Variants in HBB observed in about 807,000 individuals in gnomAD.
HBB encodes hemoglobin subunit beta, also known as Hb Monza protein.
HBB carries 18 observed loss-of-function variants against 9.7 expected under a neutral mutation model. The ratio of observed to expected loss-of-function variants is 1.86; its 90% CI spans 1.28 to 2.76. The LOEUF (loss-of-function observed/expected upper bound fraction) is 2.76, where lower values mean the gene tolerates loss of function less well. HBB is among the 30% of genes most tolerant of loss of function. The pLI, the probability that HBB is intolerant of heterozygous loss-of-function variation, is 0.00. For synonymous variants in HBB, 99 were observed against 73.6 expected (o/e 1.35, Z -1.77); for missense variants, 156 against 177.0 (o/e 0.88, Z 0.67).
At position 5,225,514 on chromosome 11, in the gene HBB, C is replaced by T; in HGVS notation, c.*84G>A. On this transcript the variant is annotated 3_prime_UTR_variant, in exon 3 of 3. Transcript: ENST00000335295. Reference sequence around the variant, plus strand: ...TTAGGCAGAATCCAGATGCTCAAGGCCCTTCATAATATCCCCCAGTTTAGT... The same window carrying T: ...TTAGGCAGAATCCAGATGCTCAAGGTCCTTCATAATATCCCCCAGTTTAGT... 2.4e-6 allele frequency: 3 copies of T among 1,244,464 alleles called. No homozygotes were observed. Among genetic ancestry groups the T allele is most frequent in the Non-Finnish European group, 3.6e-6 (3 of 842,392 alleles). The allele number at this position is 1,244,464 out of a possible 1,614,324, so 77.1% of individuals were successfully genotyped here. A position where few individuals can be genotyped will look rare whatever the true frequency, so the allele number is the denominator to read the frequency against.
chr11:5,226,300 G>C (rs999594627), intron 2 of HBB: 1 of 573,240 alleles, frequency 1.7e-6, no homozygotes, highest in Non-Finnish European at 3.1e-6. Context: ...GTATCTCAGA[G>C]ATATTTCCTT....
Position 5,226,021 on chromosome 11 carries a change from G to A in HBB, c.316-295C>T, listed in dbSNP as rs569636767. Among the ~76,000 whole-genome samples, 2 of 152,102 alleles carry A rather than the reference G, an allele frequency of 1.3e-5. No individual in the cohort carries two copies. Among genetic ancestry groups the A allele is most frequent in the Admixed American group, 6.6e-5 (1 of 15,258 alleles). On this transcript the variant is annotated intron_variant, in intron 2 of 2. Transcript: ENST00000335295. The stretch of plus-strand genomic sequence containing the variant: ...CCCTGAAAGAAAGAGATTAGGGAAA[G>A]TATTAGAAATAAGATAAACAAAAAA...
chr11:5,226,546 A>T, intron 2 of HBB, 31 bp downstream of exon 2: 1 of 1,596,254 alleles, frequency 6.3e-7, no homozygotes, highest in South Asian at 1.1e-5. Flanking sequence ...AAAGAAGGGG[A>T]AAGAAAACAT....
intron 2 of HBB, 64 bp from the exon 3 acceptor site, chr11:5,225,790 A>C: frequency 1.3e-6 from 2 of 1,558,862 alleles, no homozygotes; most frequent in Non-Finnish European, 1.8e-6. Context: ...GACTCAGAAT[A>C]ATCCAGCCTT....
At chr11:5,226,308 C>G (rs1315571211) in intron 2 of HBB, 1 of 573,932 alleles carries the variant, frequency 1.7e-6, no homozygotes, top group East Asian at 2.8e-5. Flanking sequence ...GAGATATTTC[C>G]TTTTGTTATA....
rs1332795013 is a variant in HBB at position 5,226,104 on chromosome 11, G to A, written c.316-378C>T. On this transcript the variant is annotated intron_variant, in intron 2 of 2. Coordinates refer to ENST00000335295, the MANE Select transcript of HBB (RefSeq NM_000518.5). ...TACAAATGCAAAATTACCCTGATTTGGTCAATATGTGTACACATATTAAAA... is the reference window on the plus strand; with the variant it reads ...TACAAATGCAAAATTACCCTGATTTAGTCAATATGTGTACACATATTAAAA... 6.6e-6 allele frequency among the ~76,000 whole-genome samples: 1 copy of A among 151,744 alleles called. No individual in the cohort carries two copies. The highest frequency in any genetic ancestry group is 1.5e-5 in the Non-Finnish European group (1 of 67,936).
At chr11:5,226,280 G>T in intron 2 of HBB, 9 of 536,820 alleles carry the variant, frequency 1.7e-5, no homozygotes, top group Middle Eastern at 5.0e-4. Context: ...TTTTTTTTAA[G>T]TTACTTAATG....
Position 5,225,577 on chromosome 11 carries a change from T to C in HBB, c.*21A>G. On this transcript the variant is annotated 3_prime_UTR_variant, in exon 3 of 3. Transcript: ENST00000335295. Reference sequence around the variant, plus strand: ...GGAACAAAGGAACCTTTAATAGAAATTGGACAGCAAGAAAGCGAGCTTAGT... The same window carrying C: ...GGAACAAAGGAACCTTTAATAGAAACTGGACAGCAAGAAAGCGAGCTTAGT... The C allele has an allele frequency of 3.7e-6, 6 of 1,613,804 alleles. No homozygotes were observed. The highest frequency in any genetic ancestry group is 4.2e-6 in the Non-Finnish European group (5 of 1,179,742).
chr11:5,226,705 C>T lies in HBB; in HGVS notation c.187G>A (p.Ala63Thr). The stretch of plus-strand genomic sequence containing the variant: ...GCACCGAGCACTTTCTTGCCATGAG[C>T]CTTCACCTTAGGGTTGCCCATAACA... Reference protein sequence around the residue: ...DAVMGNPKVKAHGKKVLGAFS... With the variant: ...DAVMGNPKVKTHGKKVLGAFS... Residue 63 changes from alanine to threonine, a missense_variant, in exon 2 of 3, where the codon GCT (alanine) becomes ACT (threonine). Coordinates refer to ENST00000335295, the MANE Select transcript of HBB (RefSeq NM_000518.5). The T allele has an allele frequency of 9.3e-6, 15 of 1,614,040 alleles. No homozygotes were observed. Among genetic ancestry groups the T allele is most frequent in the Non-Finnish European group, 1.2e-5 (14 of 1,180,002 alleles).
rs1589891720 is a variant in HBB, at chr11:5,225,846, G to C, written c.316-120C>G. ...GCAGAATGGTAGCTGGATTGTAGCT[G>C]CTATTAGCAATATGAAACCTCTTAC... On this transcript the variant is annotated intron_variant, in intron 2 of 2. Coordinates refer to ENST00000335295, the MANE Select transcript of HBB (RefSeq NM_000518.5). The C allele has an allele frequency of 2.1e-6, 2 of 965,252 alleles. No individual in the cohort carries two copies. The highest frequency in any genetic ancestry group is 2.7e-5 in the South Asian group (2 of 74,984). 59.8% of individuals were successfully genotyped at this position (965,252 alleles called of 1,614,324 possible). A position where few individuals can be genotyped will look rare whatever the true frequency, so the allele number is the denominator to read the frequency against.
In HBB at chr11:5,226,367, A is replaced by T. The variant is rs1847545483; in HGVS notation, c.315+210T>A. ...AATAGTAAAAATTGCGGAGAAGAAA[A>T]AAAAAGAAAGCAAGAATTAAACAAA... On this transcript the variant is annotated intron_variant, in intron 2 of 2. Coordinates refer to ENST00000335295, the MANE Select transcript of HBB (RefSeq NM_000518.5). 1.6e-6 allele frequency: 1 copy of T among 616,142 alleles called. No individual in the cohort carries two copies. The highest frequency in any genetic ancestry group is 2.8e-6 in the Non-Finnish European group (1 of 351,826). 38.2% of individuals were successfully genotyped at this position (616,142 alleles called of 1,614,324 possible). A position where few individuals can be genotyped will look rare whatever the true frequency, so the allele number is the denominator to read the frequency against.
Position 5,226,939 on chromosome 11 carries a change from G to C in HBB, c.83C>G (p.Ala28Gly), listed in dbSNP as rs33954632. 1 of 1,613,252 alleles carries C rather than the reference G, an allele frequency of 6.2e-7. No homozygotes were observed. ...TAACCTTGATACCAACCTGCCCAGG[G>C]CCTCACCACCAACTTCATCCACGTT... ...KVNVDEVGGE[A>G]LGRLLVVYPW... is the part of the protein sequence containing the mutation. Residue 28 changes from alanine to glycine, a missense_variant, in exon 1 of 3, where the codon GCC (alanine) becomes GGC (glycine). Ala to Gly is a moderately conservative substitution (Grantham distance 60). Coordinates refer to ENST00000335295, the MANE Select transcript of HBB (RefSeq NM_000518.5).
chr11:5,226,821 A>G, intron 1 of HBB, 22 bp from the exon 2 acceptor site: 5 of 1,608,046 alleles, frequency 3.1e-6, no homozygotes, highest in Non-Finnish European at 4.3e-6. Flanking sequence ...AAAATAGACC[A>G]ATAGGCAGAG....
chr11:5,227,022 G>A lies in HBB; in HGVS notation c.-1C>T. The A allele has an allele frequency of 1.3e-6, 2 of 1,592,178 alleles. No homozygotes were observed. The highest frequency in any genetic ancestry group is 2.2e-5 in the South Asian group (2 of 90,756). On this transcript the variant is annotated 5_prime_UTR_variant, in exon 1 of 3. Transcript: ENST00000335295. The stretch of plus-strand genomic sequence containing the variant: ...TCTCCTCAGGAGTCAGATGCACCAT[G>A]GTGTCTGTTTGAGGTTGCTAGTGAA...
intron 2 of HBB, 127 bp from the exon 3 acceptor site, chr11:5,225,853 G>T: frequency 2.2e-6 from 2 of 904,508 alleles, no homozygotes; most frequent in Non-Finnish European, 1.8e-6. Flanking sequence ...GCTGCTATTA[G>T]CAATATGAAA....
intron 2 of HBB, chr11:5,226,121 A>C (rs1460761753): frequency 3.3e-6 from 1 of 299,766 alleles, no homozygotes; most frequent in East Asian, 8.3e-5. Flanking sequence ...ATGTGTACAC[A>C]TATTAAAACA....
chr11:5,226,831 G>C (rs1372536490), intron 1 of HBB, 32 bp from the exon 2 acceptor site: 1 of 1,603,034 alleles, frequency 6.2e-7, no homozygotes, highest in Non-Finnish European at 8.5e-7. Flanking sequence ...AATAGGCAGA[G>C]AGAGTCAGTG....
At chr11:5,226,839 G>C (rs556727592) in intron 1 of HBB, 40 bp from the exon 2 acceptor site, 3 of 1,589,538 alleles carry the variant, frequency 1.9e-6, no homozygotes, top group South Asian at 1.1e-5. Context: ...GAGAGAGTCA[G>C]TGCCTATCAG....
chr11:5,226,570 G>C lies in HBB; in HGVS notation c.315+7C>G. On this transcript the variant is annotated splice_region_variant and intron_variant, in intron 2 of 2. Coordinates refer to ENST00000335295, the MANE Select transcript of HBB (RefSeq NM_000518.5). ...GAAAGAAAACATCAAGCGTCCCATA[G>C]ACTCACCCTGAAGTTCTCAGGATCC... 1.2e-6 allele frequency: 2 copies of C among 1,612,958 alleles called. No homozygotes were observed.
Sources: allele counts gnomAD v4.1 joint callset (sites outside exome capture counted in the v4.1 genomes callset), GRCh38; gene constraint gnomAD v4.1.1; transcripts MANE v1.5; gene names NCBI Gene and HGNC (gene_info 2026-07-23, HGNC 2026-07-21).